Variants in ERI1 observed in about 807,000 individuals in gnomAD.
ERI1 encodes the protein exoribonuclease 1.
Under a neutral mutation model 39.7 loss-of-function variants are expected in ERI1, and 39 were observed. That is an observed-to-expected ratio of 0.98 (90% confidence interval 0.76 to 1.28). The LOEUF (loss-of-function observed/expected upper bound fraction) is 1.28. Among genes scored for constraint, ERI1 ranks in the 50% most tolerant of loss-of-function variants. The pLI is 0.00. For synonymous variants in ERI1, 204 were observed against 149.6 expected, an observed-to-expected ratio of 1.36 and a Z score of -2.65; for missense variants, 581 against 416.9, an observed-to-expected ratio of 1.39 and a Z score of -3.43.
chr8:9,035,712 C>G (rs1006936867), downstream of ERI1, among the ~76,000 whole-genome samples: 20 of 152,154 alleles, frequency 1.3e-4, no homozygotes, highest in Non-Finnish European at 4.4e-5. Flanking sequence ...AGTAGTAGTT[C>G]TGGCTTTCAA....
At chr8:9,038,021 A>G (rs1430136257), downstream of ERI1, among the ~76,000 whole-genome samples, 2 of 152,128 alleles carry the variant, frequency 1.3e-5, no homozygotes, top group Non-Finnish European at 2.9e-5. Flanking sequence ...CTTGAAAAAA[A>G]TTGTTTGAAA....
intron 3 of ERI1, among the ~76,000 whole-genome samples, chr8:9,096,316 G>A (rs947724780): frequency 2.6e-5 from 4 of 152,166 alleles, no homozygotes; most frequent in Admixed American, 6.5e-5. Context: ...ATCCAGCCCC[G>A]GCTCCCAGGA....
At chr8:9,047,008 G>C (rs1312839998) in intron 3 of ERI1, among the ~76,000 whole-genome samples, 2 of 152,160 alleles carry the variant, frequency 1.3e-5, no homozygotes, top group Non-Finnish European at 2.9e-5. Flanking sequence ...TTAGGTTTTA[G>C]CATATGGCAG....
intron 3 of ERI1, among the ~76,000 whole-genome samples, chr8:9,057,620 C>CA (rs773245708): frequency 7.9e-5 from 12 of 152,126 alleles, no homozygotes; most frequent in Non-Finnish European, 1.8e-4. Flanking sequence ...GTGAAAAAGA[C>CA]AAAAATCCCT....
Position 9,018,389 on chromosome 8 carries a change from C to G in ERI1, c.675C>G (p.Tyr225Ter), listed in dbSNP as rs772646229. ...AGGAATTAGGAACAAAGTATAAATA[C>G]TCACTTTTAACAGATGGGTAAGTAT... ...KLKELGTKYK[Y>*]SLLTDGSWDM... Residue 225 changes from tyrosine (Y) to a stop codon, truncating the protein, a stop_gained, in exon 5 of 7, where the codon TAC (tyrosine) becomes TAG (stop). Coordinates refer to ENST00000250263, the MANE Select transcript of ERI1 (RefSeq NM_153332.4). LOFTEE classifies it high-confidence loss of function. The G allele has an allele frequency of 5.7e-6, 9 of 1,584,812 alleles. No individual in the cohort carries two copies. Among genetic ancestry groups the G allele is most frequent in the South Asian group, 1.1e-5 (1 of 90,268 alleles).
intron 5 of ERI1, among the ~76,000 whole-genome samples, chr8:9,019,479 A>G (rs1817656876): frequency 6.6e-6 from 1 of 152,220 alleles, no homozygotes; most frequent in African/African-American, 2.4e-5. Flanking sequence ...GTAGTATAGT[A>G]TACGCAGTTC....
At chr8:9,042,867 G>A (rs894980239) in intron 3 of ERI1, among the ~76,000 whole-genome samples, 1 of 152,194 alleles carries the variant, frequency 6.6e-6, no homozygotes, top group South Asian at 2.1e-4. Context: ...TAGCATTTCA[G>A]AGAAGGGATG....
intron 3 of ERI1, among the ~76,000 whole-genome samples, chr8:9,065,173 A>T (rs1448436727): frequency 6.6e-6 from 1 of 152,242 alleles, no homozygotes; most frequent in Non-Finnish European, 1.5e-5. Flanking sequence ...ATGATGGCTT[A>T]GCTTGGGCTC....
chr8:9,079,277 C>G (rs556605079), intron 3 of ERI1, among the ~76,000 whole-genome samples: 154 of 152,316 alleles, frequency 1.0e-3, no homozygotes, highest in African/African-American at 3.6e-3. Context: ...GCACTGAAGG[C>G]AAGGGTAAGC....
At chr8:9,076,970 G>A (rs1799229562) in intron 3 of ERI1, among the ~76,000 whole-genome samples, 1 of 152,192 alleles carries the variant, frequency 6.6e-6, no homozygotes, top group Non-Finnish European at 1.5e-5. Context: ...CCAAAGGTGA[G>A]GTAGAGATAG....
At chr8:9,065,676 C>T (rs1798849314) in intron 3 of ERI1, among the ~76,000 whole-genome samples, 1 of 108,448 alleles carries the variant, frequency 9.2e-6, no homozygotes, top group African/African-American at 3.7e-5. Context: ...GCCTGGGCAA[C>T]AGAGCGAGAC....
intron 6 of ERI1, among the ~76,000 whole-genome samples, chr8:9,025,527 C>G (rs760464928): frequency 2.0e-5 from 3 of 152,192 alleles, no homozygotes; most frequent in Non-Finnish European, 2.9e-5. Context: ...TCAACTCAGC[C>G]ACTTGATTGA....
intron 3 of ERI1, among the ~76,000 whole-genome samples, chr8:9,062,301 G>A (rs997135344): frequency 6.6e-6 from 1 of 151,916 alleles, no homozygotes; most frequent in East Asian, 2.0e-4. Context: ...GCGGGGATAC[G>A]AGAGGAGAAT....
chr8:9,028,545 G>A (rs1797350039), intron 6 of ERI1, among the ~76,000 whole-genome samples: 1 of 152,216 alleles, frequency 6.6e-6, no homozygotes, highest in African/African-American at 2.4e-5. Flanking sequence ...GGTCCAAGAT[G>A]CATAGGCAAA....
intron 3 of ERI1, chr8:9,049,771 C>T (rs571732559): frequency 1.3e-5 from 2 of 152,130 alleles, no homozygotes; most frequent in African/African-American, 2.4e-5. Flanking sequence ...GAATACTAGC[C>T]CTCCCAAAGG....
chr8:9,055,500 C>G (rs1433234659), intron 3 of ERI1, among the ~76,000 whole-genome samples: 1 of 152,200 alleles, frequency 6.6e-6, no homozygotes, highest in African/African-American at 2.4e-5. Context: ...CAGGACCCCT[C>G]TGGAATGAGG....
intron 6 of ERI1, among the ~76,000 whole-genome samples, chr8:9,026,453 T>C (rs918782283): frequency 6.6e-6 from 1 of 152,180 alleles, no homozygotes; most frequent in Non-Finnish European, 1.5e-5. Context: ...GACTTATCTA[T>C]ATACCTCTTA....
chr8:9,089,261 T>C (rs1799629932), intron 3 of ERI1, among the ~76,000 whole-genome samples: 1 of 152,212 alleles, frequency 6.6e-6, no homozygotes, highest in South Asian at 2.1e-4. Flanking sequence ...TTCTTTAATT[T>C]ATTTAATTTT....
rs557451195 is a variant in ERI1, at chr8:9,032,488, A to G, written c.*2454A>G. The G allele has an allele frequency of 1.3e-5, 2 of 152,272 alleles. No individual in the cohort carries two copies. The highest frequency in any genetic ancestry group is 3.9e-4 in the East Asian group (2 of 5,190). The allele number at this position is 152,272 out of a possible 1,614,324, so 9.4% of individuals were successfully genotyped here. On this transcript the variant is annotated 3_prime_UTR_variant, in exon 7 of 7. Coordinates refer to ENST00000250263, the MANE Select transcript of ERI1 (RefSeq NM_153332.4). ...CAAGTATTTAACATTTGCTCTGAAAAAAATGTTTTTGTGATGTGTCTTTGT... is the reference window on the plus strand; with the variant it reads ...CAAGTATTTAACATTTGCTCTGAAAGAAATGTTTTTGTGATGTGTCTTTGT...
Sources: allele counts gnomAD v4.1 joint callset (sites outside exome capture counted in the v4.1 genomes callset), GRCh38; gene constraint gnomAD v4.1.1; transcripts MANE v1.5; gene names NCBI Gene and HGNC (gene_info 2026-07-23, HGNC 2026-07-21).